HHLA2: variants seen among roughly 807,000 people sequenced by gnomAD.
HHLA2 encodes HHLA2 member of B7 family.
In HHLA2, 48 loss-of-function variants were observed where a neutral mutation model predicts 45.9. The ratio of observed to expected loss-of-function variants is 1.05; its 90% CI spans 0.83 to 1.33. The LOEUF (loss-of-function observed/expected upper bound fraction) is 1.33, where lower values mean the gene tolerates loss of function less well. Among genes scored for constraint, HHLA2 ranks in the 40% most tolerant of loss-of-function variants. The probability of loss-of-function intolerance (pLI) is 0.00; values close to 1 mark genes in which losing one functional copy is unlikely to be tolerated. For missense variants in HHLA2, 462 were observed against 494.3 expected (o/e 0.93, Z 0.62); for synonymous variants, 161 against 173.9 (o/e 0.93, Z 0.59).
At chr3:108,335,731 T>C (rs529114870) in intron 3 of HHLA2, among the ~76,000 whole-genome samples, 1 of 152,132 alleles carries the variant, frequency 6.6e-6, no homozygotes, top group Non-Finnish European at 1.5e-5. Flanking sequence ...GAATGCGTAT[T>C]CATGTGATTG....
intron 8 of HHLA2, among the ~76,000 whole-genome samples, chr3:108,364,033 T>A (rs1251510712): frequency 6.6e-6 from 1 of 152,046 alleles, no homozygotes; most frequent in South Asian, 2.1e-4. Context: ...CATGCAGGTT[T>A]GTTACATAGG....
chr3:108,363,864 G>A (rs148691179), intron 8 of HHLA2, among the ~76,000 whole-genome samples: 24 of 152,250 alleles, frequency 1.6e-4, no homozygotes, highest in South Asian at 2.1e-4. Context: ...GGGAGCACCC[G>A]AATCACTAGC....
chr3:108,370,700 T>G (rs1488056900), intron 8 of HHLA2, among the ~76,000 whole-genome samples: 5 of 152,238 alleles, frequency 3.3e-5, no homozygotes, highest in African/African-American at 1.2e-4. Flanking sequence ...CAGTAGCTGA[T>G]TCGATCAACT....
chr3:108,306,790 C>A (rs1369932070), intron 1 of HHLA2, among the ~76,000 whole-genome samples: 1 of 151,868 alleles, frequency 6.6e-6, no homozygotes, highest in Non-Finnish European at 1.5e-5. Flanking sequence ...TGACTTCAAC[C>A]TTTTCCATTG....
At chr3:108,371,295 C>T (rs959291836) in intron 8 of HHLA2, among the ~76,000 whole-genome samples, 1 of 152,126 alleles carries the variant, frequency 6.6e-6, no homozygotes, top group African/African-American at 2.4e-5. Flanking sequence ...TTGTCACCAC[C>T]AGGCCTGCCC....
At chr3:108,358,182 G>C in intron 7 of HHLA2, 21 bp downstream of exon 6, 1 of 1,559,322 alleles carries the variant, frequency 6.4e-7, no homozygotes. Flanking sequence ...AGTAGGTTTG[G>C]ATAATGGGTT....
chr3:108,370,731 T>C (rs1018161016), intron 8 of HHLA2, among the ~76,000 whole-genome samples: 5 of 152,282 alleles, frequency 3.3e-5, no homozygotes, highest in African/African-American at 9.6e-5. Flanking sequence ...GTATCAGTGA[T>C]GGAAGATGAC....
intron 8 of HHLA2, among the ~76,000 whole-genome samples, chr3:108,372,532 T>C (rs2082196508): frequency 6.7e-6 from 1 of 150,316 alleles, no homozygotes; most frequent in South Asian, 2.1e-4. Flanking sequence ...AATCAATGAA[T>C]CCAGGAGCTG....
chr3:108,327,844 G>C (rs2081313227), intron 2 of HHLA2, among the ~76,000 whole-genome samples: 1 of 152,142 alleles, frequency 6.6e-6, no homozygotes, highest in African/African-American at 2.4e-5. Flanking sequence ...TTGCAAAAAT[G>C]TTGTAGAGGC....
Position 108,344,893 on chromosome 3 carries a change from T to G in HHLA2, c.-26-6895T>G, listed in dbSNP as rs1447887707. On this transcript the variant is annotated intron_variant, in intron 3 of 10. Transcript: ENST00000619531. ...TAGAGAGCTATTAAGGAGGATTATA[T>G]TATCTACCCATTTGACAAGAAGAAA... 2.6e-5 allele frequency among the ~76,000 whole-genome samples: 4 copies of G among 152,182 alleles called. No homozygotes were observed. In the East Asian group the frequency reaches 7.7e-4, roughly 29 times the overall value.
intron 1 of HHLA2, among the ~76,000 whole-genome samples, chr3:108,300,064 G>A (rs2080825093): frequency 2.0e-5 from 3 of 152,272 alleles, no homozygotes; most frequent in South Asian, 4.1e-4. Flanking sequence ...AAAGCAGCAG[G>A]AATCTGAGCA....
At chr3:108,373,598 TCTC>T (rs2082219547) in intron 8 of HHLA2, among the ~76,000 whole-genome samples, 1 of 152,086 alleles carries the variant, frequency 6.6e-6, no homozygotes, top group Non-Finnish European at 1.5e-5. Context: ...CAGCCCAAAA[TCTC>T]CTTAAGCTGA....
chr3:108,312,164 C>T (rs1025371505), intron 2 of HHLA2, among the ~76,000 whole-genome samples: 11 of 152,290 alleles, frequency 7.2e-5, no homozygotes, highest in Middle Eastern at 3.4e-3. Flanking sequence ...TCCCCCCAGA[C>T]GGTCCAGACT....
intron 3 of HHLA2, among the ~76,000 whole-genome samples, chr3:108,346,020 C>T (rs2081655209): frequency 2.0e-5 from 3 of 152,148 alleles, no homozygotes; most frequent in East Asian, 1.9e-4. Flanking sequence ...GCTGGCAAAG[C>T]AAGCACCACC....
At chr3:108,373,228 G>C (rs146064546) in intron 8 of HHLA2, among the ~76,000 whole-genome samples, 2,021 of 152,068 alleles carry the variant, frequency 0.013, 19 homozygotes, top group Non-Finnish European at 0.022. Context: ...AGACAAAAAC[G>C]ACATGATTAT....
chr3:108,360,029 G>A (rs2081961176), intron 7 of HHLA2, among the ~76,000 whole-genome samples: 1 of 152,094 alleles, frequency 6.6e-6, no homozygotes, highest in African/African-American at 2.4e-5. Flanking sequence ...TGTGGCTGTA[G>A]CTTCTTCATC....
chr3:108,363,813 A>AAAAC (rs1358935150), intron 8 of HHLA2, among the ~76,000 whole-genome samples: 4 of 152,192 alleles, frequency 2.6e-5, no homozygotes, highest in Non-Finnish European at 5.9e-5. Context: ...TGGCACACTC[A>AAAAC]AAACTGGATA....
intron 1 of HHLA2, among the ~76,000 whole-genome samples, chr3:108,304,936 T>C (rs541535919): frequency 6.6e-6 from 1 of 152,240 alleles, no homozygotes; most frequent in African/African-American, 2.4e-5. Flanking sequence ...GTAGGATTAC[T>C]GGTTGACTTT....
intron 2 of HHLA2, among the ~76,000 whole-genome samples, chr3:108,315,751 A>ATGGT (rs1040156129): frequency 1.3e-5 from 2 of 152,060 alleles, no homozygotes; most frequent in Non-Finnish European, 2.9e-5. Context: ...TAGTTTTCTT[A>ATGGT]TGGTTGTTTG....
Sources: allele counts gnomAD v4.1 joint callset (sites outside exome capture counted in the v4.1 genomes callset), GRCh38; gene constraint gnomAD v4.1.1; transcripts MANE v1.5; gene names NCBI Gene and HGNC (gene_info 2026-07-23, HGNC 2026-07-21).